Variants in AVEN observed in about 807,000 individuals in gnomAD.
AVEN encodes apoptosis and caspase activation inhibitor.
A neutral mutation model predicts 38.1 loss-of-function variants in AVEN; 41 were observed. That is an observed-to-expected ratio of 1.08 (90% CI 0.84 to 1.40). AVEN has a LOEUF of 1.40. AVEN is among the 40% of genes most tolerant of loss of function. The pLI is 0.00. For missense variants in AVEN, 605 were observed against 438.8 expected (o/e 1.38, Z -3.38); for synonymous variants, 206 against 171.8 (o/e 1.20, Z -1.56).
At chr15:33,950,333 G>A (rs1894691592) in intron 2 of AVEN, among the ~76,000 whole-genome samples, 1 of 152,190 alleles carries the variant, frequency 6.6e-6, no homozygotes, top group Non-Finnish European at 1.5e-5. Context: ...TCTAAGAGTT[G>A]TTCTTAGTAT....
At chr15:33,867,892 A>G in intron 4 of AVEN, 37 bp from the exon 5 acceptor site, 1 of 1,527,236 alleles carries the variant, frequency 6.5e-7, no homozygotes, top group Non-Finnish European at 8.8e-7. Flanking sequence ...TAAAAATGTG[A>G]GTCTTGCCAT....
intron 3 of AVEN, among the ~76,000 whole-genome samples, chr15:33,871,789 A>AAAAAAAAAAAAAAAAAAAAAAAC (rs1201421598): frequency 6.6e-6 from 1 of 152,022 alleles, no homozygotes; most frequent in Non-Finnish European, 1.5e-5. Flanking sequence ...AAAAAAAAAA[A>AAAAAAAAAAAAAAAAAAAAAAAC]AAGCCACTTT....
intron 2 of AVEN, among the ~76,000 whole-genome samples, chr15:33,931,410 A>G (rs1444654765): frequency 1.7e-5 from 2 of 119,070 alleles, no homozygotes; most frequent in African/African-American, 3.4e-5. Context: ...TTGCTCTGTC[A>G]CCCGGGCTGG....
downstream of AVEN, among the ~76,000 whole-genome samples, chr15:33,855,722 T>TA (rs2079584519): frequency 6.6e-6 from 1 of 152,204 alleles, no homozygotes; most frequent in Non-Finnish European, 1.5e-5. Flanking sequence ...GTACACATTT[T>TA]ATGTGTGTAT....
chr15:34,017,153 T>C (rs1358379815), intron 1 of AVEN, among the ~76,000 whole-genome samples: 1 of 152,024 alleles, frequency 6.6e-6, no homozygotes, highest in Admixed American at 6.6e-5. Context: ...AGGTATCATT[T>C]GACAAAGCTT....
chr15:34,048,931 A>T (rs189194275), intron 5 of AVEN, among the ~76,000 whole-genome samples: 29 of 152,312 alleles, frequency 1.9e-4, no homozygotes, highest in Middle Eastern at 6.8e-3. Context: ...TAGGGTCTGG[A>T]GTGGACCCAC....
At chr15:33,904,144 G>T (rs536097321) in intron 2 of AVEN, among the ~76,000 whole-genome samples, 31 of 152,316 alleles carry the variant, frequency 2.0e-4, no homozygotes, top group African/African-American at 7.5e-4. Flanking sequence ...TGTAGGCCAG[G>T]TGCAGTAGCT....
intron 2 of AVEN, among the ~76,000 whole-genome samples, chr15:33,884,546 C>T (rs950005949): frequency 1.3e-5 from 2 of 152,166 alleles, no homozygotes; most frequent in East Asian, 3.8e-4. Context: ...TAACACATGT[C>T]TTATGGTCAG....
intron 2 of AVEN, among the ~76,000 whole-genome samples, chr15:33,888,117 A>C (rs1447541007): frequency 6.6e-6 from 1 of 152,256 alleles, no homozygotes; most frequent in Non-Finnish European, 1.5e-5. Flanking sequence ...TATGAAAAAA[A>C]ATATAAAGCT....
chr15:33,944,420 T>C (rs997194201), intron 2 of AVEN, among the ~76,000 whole-genome samples: 2 of 152,198 alleles, frequency 1.3e-5, no homozygotes, highest in African/African-American at 4.8e-5. Flanking sequence ...AGGAGGAAAG[T>C]GGACTTCTCC....
At chr15:33,875,427 G>A (rs1385508523) in intron 3 of AVEN, among the ~76,000 whole-genome samples, 1 of 152,068 alleles carries the variant, frequency 6.6e-6, no homozygotes, top group Non-Finnish European at 1.5e-5. Context: ...AAGAAAATAA[G>A]GCATTTGGGG....
At chr15:34,074,442 A>G (rs1008949251) in exon 1 of AVEN, among the ~76,000 whole-genome samples, 1 of 152,234 alleles carries the variant, frequency 6.6e-6, no homozygotes, top group African/African-American at 2.4e-5. Context: ...TTACCATTTC[A>G]TAGTTCTGGA....
chr15:33,988,113 G>A (rs1417731537), intron 2 of AVEN, among the ~76,000 whole-genome samples: 2 of 152,248 alleles, frequency 1.3e-5, no homozygotes, highest in African/African-American at 4.8e-5. Context: ...CCTGCCTCCA[G>A]CCCAAAGGCA....
chr15:33,988,390 G>T (rs486230), intron 2 of AVEN, among the ~76,000 whole-genome samples: 142,409 of 152,224 alleles, frequency 0.94, 67,208 homozygotes, highest in Non-Finnish European at 1. Flanking sequence ...ACAAATTGTT[G>T]AACTTTATTT....
At chr15:34,019,692 G>C (rs1233561416) in intron 1 of AVEN, among the ~76,000 whole-genome samples, 1 of 152,150 alleles carries the variant, frequency 6.6e-6, no homozygotes, top group African/African-American at 2.4e-5. Flanking sequence ...TGATATAACT[G>C]TCTACAGTAT....
intron 1 of AVEN, among the ~76,000 whole-genome samples, chr15:34,031,180 T>TTC (rs1898785327): frequency 7.1e-6 from 1 of 140,138 alleles, no homozygotes; most frequent in Non-Finnish European, 1.5e-5. Flanking sequence ...TTTTTTTTTT[T>TTC]TTTTTTTTTT....
chr15:34,013,057 T>TTTTG (rs955181266), intron 1 of AVEN, among the ~76,000 whole-genome samples: 7 of 147,586 alleles, frequency 4.7e-5, no homozygotes, highest in African/African-American at 1.5e-4. Context: ...ACAGTGGTTT[T>TTTTG]TTTGTTTGTT....
upstream of AVEN, among the ~76,000 whole-genome samples, chr15:34,041,685 T>G (rs764299260): frequency 2.0e-5 from 3 of 152,172 alleles, no homozygotes; most frequent in Admixed American, 6.5e-5. Flanking sequence ...AACACTTATT[T>G]TGCACCTGAT....
intron 1 of AVEN, among the ~76,000 whole-genome samples, chr15:34,025,722 TTG>T (rs1050483183): frequency 3.3e-5 from 5 of 151,912 alleles, no homozygotes; most frequent in Non-Finnish European, 5.9e-5. Context: ...GAAAAAAAAA[TTG>T]TGTGTGTGTG....
Sources: allele counts gnomAD v4.1 joint callset (sites outside exome capture counted in the v4.1 genomes callset), GRCh38; gene constraint gnomAD v4.1.1; transcripts MANE v1.5; gene names NCBI Gene and HGNC (gene_info 2026-07-23, HGNC 2026-07-21).